Variants in CFAP47 observed in about 807,000 individuals in gnomAD.
CFAP47 encodes cilia and flagella associated protein 47, also known as cilia- and flagella-associated protein 47.
In CFAP47, 29 loss-of-function variants were observed where a neutral mutation model predicts 148.1. The ratio of observed to expected loss-of-function variants is 0.20; its 90% confidence interval spans 0.15 to 0.27. The LOEUF is 0.27. CFAP47 is among the 10% of genes least tolerant of loss of function. The pLI, the probability that CFAP47 is intolerant of heterozygous loss-of-function variation, is 1.00. For missense variants in CFAP47, 1,872 were observed against 1,697.5 expected (o/e 1.10, Z -1.81); for synonymous variants, 664 against 577.3 (o/e 1.15, Z -2.15).
At chrX:36,191,109 G>A (rs1555986428) in intron 42 of CFAP47, among the ~76,000 whole-genome samples, 1 of 111,421 alleles carries the variant, frequency 9.0e-6, no homozygotes, top group East Asian at 2.8e-4. Flanking sequence ...GGAAAAAAAT[G>A]CCTTTTTATA....
At chrX:36,272,708 G>T (rs1940973282) in intron 49 of CFAP47, among the ~76,000 whole-genome samples, 1 of 111,379 alleles carries the variant, frequency 9.0e-6, no homozygotes, top group African/African-American at 3.3e-5. Flanking sequence ...TCTTAGGGAT[G>T]AACTAAATGG....
At chrX:36,371,614 T>C (rs781942482) in intron 62 of CFAP47, among the ~76,000 whole-genome samples, 2 of 91,923 alleles carry the variant, frequency 2.2e-5, no homozygotes, top group South Asian at 1.2e-3. Flanking sequence ...TATGTGTATA[T>C]ATGTGTAATA....
intron 57 of CFAP47, among the ~76,000 whole-genome samples, chrX:36,333,474 T>C (rs146013950): frequency 2.9e-3 from 322 of 111,027 alleles, no homozygotes; most frequent in African/African-American, 9.9e-3. Context: ...TCCTCCTTCT[T>C]CTACGTTTCT....
At position 36,035,776 on chromosome X, in the gene CFAP47, G is replaced by A. The variant is rs1262831120; in HGVS notation, c.3733G>A (p.Gly1245Ser). The change falls in exon 24 of 64, where the codon GGC (glycine) becomes AGC (serine). Residue 1245 changes from glycine to serine, a missense_variant. By Grantham distance (56) the Gly-to-Ser change is moderately conservative. Transcript: ENST00000378653. ...LSNTGKLFKD[G>S]TFKFSVLNGI... is the part of the protein sequence containing the mutation. ...TAATACTGGCAAACTTTTCAAAGAC[G>A]GCACATTCAAGTTCAGTGTACTGAA... 1.0e-5 allele frequency: 3 copies of A among 293,744 alleles called. No homozygotes were observed. Among genetic ancestry groups the A allele is most frequent in the South Asian group, 2.1e-4 (1 of 4,811 alleles). The allele number at this position is 293,744 out of a possible 1,213,427, so 24.2% of individuals were successfully genotyped here.
chrX:35,972,433 T>C (rs1936508699), intron 13 of CFAP47, among the ~76,000 whole-genome samples: 1 of 110,878 alleles, frequency 9.0e-6, no homozygotes, highest in Admixed American at 9.6e-5. Context: ...GGTTTCACCA[T>C]GTTGGCCAGG....
chrX:36,080,275 G>T (rs1412590738), intron 29 of CFAP47, among the ~76,000 whole-genome samples: 2 of 111,262 alleles, frequency 1.8e-5, no homozygotes, highest in African/African-American at 6.5e-5. Context: ...AAAAAGTCAG[G>T]AAACGAGGTA....
intron 29 of CFAP47, among the ~76,000 whole-genome samples, chrX:36,080,802 G>T (rs1325392989): frequency 9.0e-6 from 1 of 111,194 alleles, no homozygotes; most frequent in African/African-American, 3.3e-5. Flanking sequence ...ATGGGGGAGG[G>T]ATAGCATTAG....
rs765253166 is a variant in CFAP47 at position 36,053,656 on chromosome X, T to C, written c.4217+6593T>C. ...CATCCTACAAAGAACATTATTTTCA[T>C]GGTTAATCTATTCAAACAAACCATA... On this transcript the variant is annotated intron_variant, in intron 26 of 63. Coordinates refer to ENST00000378653, the MANE Select transcript of CFAP47 (RefSeq NM_001304548.2). 8.0e-5 allele frequency among the ~76,000 whole-genome samples: 9 copies of C among 112,130 alleles called. No individual in the cohort carries two copies. The Admixed American group carries it at 8.5e-4, about 11-fold the overall frequency.
chrX:36,208,451 G>A (rs1290899882), intron 45 of CFAP47, among the ~76,000 whole-genome samples: 3 of 109,162 alleles, frequency 2.7e-5, no homozygotes, highest in Admixed American at 9.8e-5. Flanking sequence ...TCAGCCCTGG[G>A]TATACACGGG....
rs1167422965 is a variant in CFAP47, at chrX:35,975,279, A to G, written c.2387A>G (p.Asn796Ser). ...DTDLEELQKT[N>S]QFSYVILPTS... ...GATTTAGAAGAACTTCAGAAGACCA[A>G]CCAATTTTCATACGTGATTCTACCT... The change falls in exon 14 of 64, where the codon AAC (asparagine) becomes AGC (serine). Residue 796 changes from asparagine (N) to serine (S), a missense_variant. Coordinates refer to ENST00000378653, the MANE Select transcript of CFAP47 (RefSeq NM_001304548.2). 1 of 1,206,977 alleles carries G rather than the reference A, an allele frequency of 8.3e-7. No homozygotes were observed.
At chrX:36,175,469 T>G (rs371955455) in intron 39 of CFAP47, among the ~76,000 whole-genome samples, 18 of 111,454 alleles carry the variant, frequency 1.6e-4, no homozygotes, top group Admixed American at 4.8e-4. Context: ...ATGTACAGAT[T>G]GGTTTTTGGT....
chrX:36,231,632 A>G (rs1463127193), intron 46 of CFAP47, among the ~76,000 whole-genome samples: 1 of 111,212 alleles, frequency 9.0e-6, no homozygotes, highest in African/African-American at 3.3e-5. Context: ...TGCCCTGGCC[A>G]GAACTTCCAT....
intron 29 of CFAP47, among the ~76,000 whole-genome samples, chrX:36,084,313 A>G (rs1380024572): frequency 9.0e-6 from 1 of 111,550 alleles, no homozygotes; most frequent in Admixed American, 9.6e-5. Flanking sequence ...AATTTTCTCC[A>G]TAAAATATTT....
chrX:36,335,122 A>C (rs1483889446), intron 57 of CFAP47, among the ~76,000 whole-genome samples: 1 of 111,013 alleles, frequency 9.0e-6, no homozygotes, highest in Non-Finnish European at 1.9e-5. Flanking sequence ...TAAATCTGTA[A>C]ATTTTACATG....
rs202038212 is a variant in CFAP47, at chrX:36,169,352, G to GT, written c.6026+8595dup. ...AGTATTCATTCTTTATTTTTAAAAT[G>GT]TTTTTTTTTTTTACCTCTTTCTCTC... On this transcript the variant is annotated intron_variant, in intron 39 of 63. Coordinates refer to ENST00000378653, the MANE Select transcript of CFAP47 (RefSeq NM_001304548.2). Among the ~76,000 whole-genome samples the GT allele has an allele frequency of 3.3e-3, 329 of 98,950 alleles. 4 individuals are homozygous for GT. The East Asian group carries it at 0.054, about 16-fold the overall frequency. 85.9% of individuals were successfully genotyped at this position (98,950 alleles called of 115,157 possible).
chrX:36,131,900 G>A (rs1038281381), intron 33 of CFAP47, among the ~76,000 whole-genome samples: 1 of 111,088 alleles, frequency 9.0e-6, no homozygotes, highest in African/African-American at 3.2e-5. Flanking sequence ...TTATTTATGT[G>A]TTGATAAAAA....
intron 57 of CFAP47, among the ~76,000 whole-genome samples, chrX:36,327,888 A>G (rs940689071): frequency 1.8e-5 from 2 of 111,599 alleles, no homozygotes; most frequent in Admixed American, 1.9e-4. Context: ...GCTCTCACTT[A>G]TAAGTGGGAG....
At chrX:36,078,433 A>G (rs1937907616) in intron 29 of CFAP47, among the ~76,000 whole-genome samples, 1 of 111,164 alleles carries the variant, frequency 9.0e-6, no homozygotes, top group Non-Finnish European at 1.9e-5. Flanking sequence ...CTTCTTGTTG[A>G]ATTGATCCCT....
chrX:36,264,005 C>T (rs1211854868), intron 49 of CFAP47, among the ~76,000 whole-genome samples: 1 of 111,545 alleles, frequency 9.0e-6, no homozygotes, highest in African/African-American at 3.3e-5. Flanking sequence ...TGTGTCCTTC[C>T]CTCCAATGTA....
Sources: allele counts gnomAD v4.1 joint callset (sites outside exome capture counted in the v4.1 genomes callset), GRCh38; gene constraint gnomAD v4.1.1; transcripts MANE v1.5; gene names NCBI Gene and HGNC (gene_info 2026-07-23, HGNC 2026-07-21).